Variants in BMPR1B observed in about 807,000 individuals in gnomAD.
BMPR1B encodes the protein bone morphogenetic protein receptor type-1B.
Under a neutral mutation model 59.1 loss-of-function variants are expected in BMPR1B, and 12 were observed. The observed-to-expected ratio is 0.20, with a 90% CI of 0.13 to 0.33. The LOEUF (loss-of-function observed/expected upper bound fraction) is 0.33. BMPR1B is among the 10% of genes least tolerant of loss of function. The pLI, the probability that BMPR1B is intolerant of heterozygous loss-of-function variation, is 1.00. For synonymous variants in BMPR1B, 237 were observed against 207.3 expected (o/e 1.14, Z -1.23); for missense variants, 550 against 610.9 (o/e 0.90, Z 1.05).
intron 1 of BMPR1B, among the ~76,000 whole-genome samples, chr4:94,836,102 TG>T (rs1724805747): frequency 6.7e-6 from 1 of 148,614 alleles, no homozygotes; most frequent in African/African-American, 2.5e-5. Context: ...TCATTTTTTA[TG>T]GCTGCATAGT....
At chr4:95,132,805 TTCCATTC>T (rs1480137913) in intron 10 of BMPR1B, among the ~76,000 whole-genome samples, 1 of 152,142 alleles carries the variant, frequency 6.6e-6, no homozygotes, top group East Asian at 1.9e-4. Flanking sequence ...TTGGCTTCTG[TTCCATTC>T]TCTTTGGACA....
At chr4:94,889,368 C>G (rs140098892) in intron 2 of BMPR1B, among the ~76,000 whole-genome samples, 1 of 152,104 alleles carries the variant, frequency 6.6e-6, no homozygotes, top group South Asian at 2.1e-4. Context: ...CTAGGCCCTG[C>G]GTCAACTCTG....
At position 95,082,260 on chromosome 4, in the gene BMPR1B, A is replaced by G. The variant is rs572256112; in HGVS notation, c.-17-22148A>G. Among the ~76,000 whole-genome samples, 8 of 151,676 alleles carry G rather than the reference A, an allele frequency of 5.3e-5. No homozygotes were observed. In the South Asian group the frequency reaches 1.7e-3, roughly 32 times the overall value. Reference sequence around the variant, plus strand: ...TATCGAAAACTGTATCCAGACACACAGAAAATTTGGTATCCTCAGTCATTT... The same window carrying G: ...TATCGAAAACTGTATCCAGACACACGGAAAATTTGGTATCCTCAGTCATTT... On this transcript the variant is annotated intron_variant, in intron 3 of 12. Coordinates refer to ENST00000515059, the MANE Select transcript of BMPR1B (RefSeq NM_001203.3).
chr4:95,041,002 C>G (rs1725616934), intron 3 of BMPR1B, among the ~76,000 whole-genome samples: 1 of 152,118 alleles, frequency 6.6e-6, no homozygotes, highest in African/African-American at 2.4e-5. Flanking sequence ...TCCTTGGCAC[C>G]TCACTCTCCT....
chr4:94,965,981 TAGAG>T (rs1419532820), intron 2 of BMPR1B, among the ~76,000 whole-genome samples: 1 of 152,136 alleles, frequency 6.6e-6, no homozygotes, highest in Non-Finnish European at 1.5e-5. Context: ...GGAGAGCACT[TAGAG>T]AGAATGGACA....
intron 1 of BMPR1B, among the ~76,000 whole-genome samples, chr4:94,798,892 AC>A (rs1182827831): frequency 2.0e-5 from 3 of 151,810 alleles, no homozygotes; most frequent in African/African-American, 7.3e-5. Context: ...GAATCTGTTT[AC>A]CTGTGTTGCT....
chr4:95,093,710 C>T (rs1730165328), intron 3 of BMPR1B, among the ~76,000 whole-genome samples: 1 of 151,966 alleles, frequency 6.6e-6, no homozygotes, highest in South Asian at 2.1e-4. Context: ...ACATGATTAT[C>T]CATCATAACC....
At chr4:94,886,595 G>A (rs936074075) in intron 2 of BMPR1B, among the ~76,000 whole-genome samples, 9 of 152,242 alleles carry the variant, frequency 5.9e-5, no homozygotes, top group Admixed American at 5.9e-4. Flanking sequence ...AGACAGTGGA[G>A]AGTTGGTAGT....
intron 1 of BMPR1B, among the ~76,000 whole-genome samples, chr4:94,824,655 A>G (rs938914830): frequency 8.5e-5 from 13 of 152,320 alleles, no homozygotes; most frequent in African/African-American, 1.9e-4. Flanking sequence ...GAAAACATTT[A>G]CTTGTGAAAT....
chr4:94,761,366 T>C (rs1447484846), intron 1 of BMPR1B, among the ~76,000 whole-genome samples: 2 of 151,818 alleles, frequency 1.3e-5, no homozygotes, highest in Admixed American at 6.6e-5. Context: ...ATTTCTTACC[T>C]GCAAAGAAGA....
At chr4:95,057,767 C>T (rs940067028) in intron 3 of BMPR1B, among the ~76,000 whole-genome samples, 1 of 152,064 alleles carries the variant, frequency 6.6e-6, no homozygotes, top group African/African-American at 2.4e-5. Context: ...ATAAATACTT[C>T]CAGGACTCTT....
Position 95,114,795 on chromosome 4 carries a change from A to C in BMPR1B, c.219A>C (p.Gly73=). 1 of 1,612,906 alleles carries C rather than the reference A, an allele frequency of 6.2e-7. No individual in the cohort carries two copies. Among genetic ancestry groups the C allele is most frequent in the Non-Finnish European group, 8.5e-7 (1 of 1,179,000 alleles). The change falls in exon 5 of 13, where the codon GGA becomes GGC. Residue 73 remains glycine (G), a synonymous_variant. Coordinates refer to ENST00000515059, the MANE Select transcript of BMPR1B (RefSeq NM_001203.3). ...CTGTGGTCACTTCTGGTTGCCTAGG[A>C]CTAGAAGGCTCAGATTTTCAGTGTC... ...GLPVVTSGCL[G]LEGSDFQCRD...
intron 3 of BMPR1B, among the ~76,000 whole-genome samples, chr4:95,023,397 T>G (rs1724128683): frequency 6.6e-6 from 1 of 152,226 alleles, no homozygotes; most frequent in Non-Finnish European, 1.5e-5. Flanking sequence ...TGTTTACATT[T>G]ATGAGACAGA....
intron 3 of BMPR1B, among the ~76,000 whole-genome samples, chr4:94,998,278 A>G (rs754886263): frequency 6.6e-6 from 1 of 152,100 alleles, no homozygotes. Context: ...AGCAATGTGA[A>G]TGAATTTAGC....
intron 12 of BMPR1B, 94 bp downstream of exon 12, chr4:95,152,867 C>CT: frequency 1.3e-6 from 2 of 1,492,708 alleles, no homozygotes; most frequent in Non-Finnish European, 1.8e-6. Context: ...AGGAATTCTT[C>CT]TTTTTTTGAT....
At chr4:94,815,992 A>C (rs768531506) in intron 1 of BMPR1B, among the ~76,000 whole-genome samples, 2 of 152,122 alleles carry the variant, frequency 1.3e-5, no homozygotes, top group African/African-American at 4.8e-5. Flanking sequence ...ACTGTAGTCT[A>C]TGTGATGTTG....
At chr4:95,145,917 C>A (rs1049660091) in intron 10 of BMPR1B, among the ~76,000 whole-genome samples, 16 of 152,170 alleles carry the variant, frequency 1.1e-4, no homozygotes, top group Admixed American at 1.0e-3. Flanking sequence ...CCCATGCAGT[C>A]CAGAGATTTT....
At chr4:95,096,848 GTATATAAA>G (rs1352585864) in intron 3 of BMPR1B, among the ~76,000 whole-genome samples, 17 of 131,414 alleles carry the variant, frequency 1.3e-4, no homozygotes, top group Non-Finnish European at 2.2e-4. Context: ...AAATATATAG[GTATATAAA>G]TATATAACTA....
rs760837301 is a variant in BMPR1B, at chr4:95,131,333, A to G, written c.897A>G (p.Lys299=). 3.1e-6 allele frequency: 5 copies of G among 1,614,040 alleles called. No individual in the cohort carries two copies. The Admixed American group carries it at 8.3e-5, about 27-fold the overall frequency. Residue 299 remains lysine (K), a synonymous_variant, in exon 10 of 13, where the codon AAA becomes AAG. Transcript: ENST00000515059. ...DYLKSTTLDA[K]SMLKLAYSSV... is the part of the protein sequence containing the mutation. Reference sequence around the variant, plus strand: ...TGAAGTCCACCACCCTAGACGCTAAATCAATGCTGAAGTTAGCCTACTCTT... The same window carrying G: ...TGAAGTCCACCACCCTAGACGCTAAGTCAATGCTGAAGTTAGCCTACTCTT...
Sources: gnomAD v4.1 joint callset for allele counts (sites outside exome capture counted in the v4.1 genomes callset) on GRCh38, gnomAD v4.1.1 for gene constraint, MANE v1.5 for transcripts, NCBI Gene and HGNC (gene_info 2026-07-23, HGNC 2026-07-21) for gene names.